Variants in COBLL1 observed in about 807,000 individuals in gnomAD.
COBLL1 encodes the protein cordon-bleu WH2 repeat protein like 1.
COBLL1 carries 50 observed loss-of-function variants against 94.8 expected under a neutral mutation model. That is an observed-to-expected ratio of 0.53 (90% CI 0.42 to 0.67). COBLL1 has a LOEUF of 0.67. Among genes scored for constraint, COBLL1 ranks in the 30% least tolerant of loss-of-function variants. The pLI is 0.00. For synonymous variants in COBLL1, 448 were observed against 473.8 expected, an observed-to-expected ratio of 0.95 and a Z score of 0.71; for missense variants, 1,362 against 1,348.7, an observed-to-expected ratio of 1.01 and a Z score of -0.15.
Position 164,722,080 on chromosome 2 carries a change from C to A in COBLL1, c.991G>T (p.Asp331Tyr), listed in dbSNP as rs779694761. The change falls in exon 7 of 14, where the codon GAT becomes TAT. Residue 331 changes from aspartate (D) to tyrosine (Y), a missense_variant. By Grantham distance (160) the Asp-to-Tyr change is radical. Coordinates refer to ENST00000652658, the MANE Select transcript of COBLL1 (RefSeq NM_001365672.2). ...IVKSMSVDET[D>Y]KSPCEAGRVR... ...TAGAAAACAAAACTACACACCTTAT[C>A]TGTCTCATCCACGCTCATGGATTTC... 1 of 1,587,310 alleles carries A rather than the reference C, an allele frequency of 6.3e-7. No homozygotes were observed. The highest frequency in any genetic ancestry group is 1.8e-5 in the Admixed American group (1 of 55,178).
At chr2:164,727,180 CTG>C in intron 5 of COBLL1, 1 of 1,247,424 alleles carries the variant, frequency 8.0e-7, no homozygotes, top group Non-Finnish European at 1.1e-6. Context: ...GGTAAATTGA[CTG>C]TGAAGATGAT....
chr2:164,833,123 CTGAGGCGAG>C (rs1429088684), intron 2 of COBLL1, among the ~76,000 whole-genome samples: 1 of 152,038 alleles, frequency 6.6e-6, no homozygotes, highest in Non-Finnish European at 1.5e-5. Context: ...CTTTAGGAGG[CTGAGGCGAG>C]TGAGGCGAGA....
Position 164,841,457 on chromosome 2 carries a change from G to C in COBLL1, c.-50-211C>G. ...TAGCGGGCGCCCAGAGCACGGCGGA[G>C]GAGGCGGTGGCGCTGCAGCCCCCGC... On this transcript the variant is annotated intron_variant, in intron 1 of 13. Coordinates refer to ENST00000652658, the MANE Select transcript of COBLL1 (RefSeq NM_001365672.2). The surrounding 1 kb of genome is among the most constrained non-coding windows in gnomAD (Gnocchi z 5.5). The C allele has an allele frequency of 5.2e-6, 6 of 1,146,446 alleles. No individual in the cohort carries two copies. Among genetic ancestry groups the C allele is most frequent in the Non-Finnish European group, 6.4e-6 (6 of 934,090 alleles). The allele number at this position is 1,146,446 out of a possible 1,614,324, so 71.0% of individuals were successfully genotyped here.
Position 164,746,981 on chromosome 2 carries a change from C to T in COBLL1, c.42-3106G>A, listed in dbSNP as rs564145926. ...TAATTCCATGAGAGTAGGGACTTGT[C>T]TCTACCACCTTGTCCACACATTTGC... On this transcript the variant is annotated intron_variant, in intron 2 of 13. Transcript: ENST00000652658. Among the ~76,000 whole-genome samples the T allele has an allele frequency of 2.2e-4, 33 of 152,236 alleles. 1 individual carries two copies. Among genetic ancestry groups the T allele is most frequent in the African/African-American group, 7.9e-4 (33 of 41,554 alleles).
intron 7 of COBLL1, among the ~76,000 whole-genome samples, chr2:164,706,944 G>A (rs1020739530): frequency 1.3e-5 from 2 of 152,002 alleles, no homozygotes; most frequent in Non-Finnish European, 2.9e-5. Context: ...TTAACAACCC[G>A]GTGTCTAGCT....
intron 7 of COBLL1, among the ~76,000 whole-genome samples, chr2:164,719,279 C>T (rs1178254180): frequency 6.6e-6 from 1 of 152,072 alleles, no homozygotes; most frequent in Non-Finnish European, 1.5e-5. Flanking sequence ...AATACGTCTT[C>T]CAGGTAGTCA....
At chr2:164,749,547 C>T (rs1473278176) in intron 2 of COBLL1, among the ~76,000 whole-genome samples, 1 of 152,126 alleles carries the variant, frequency 6.6e-6, no homozygotes, top group African/African-American at 2.4e-5. Flanking sequence ...AGACCAATTT[C>T]TCAACACGAT....
chr2:164,677,838 A>G (rs181128953), downstream of COBLL1, among the ~76,000 whole-genome samples: 76 of 152,330 alleles, frequency 5.0e-4, no homozygotes, highest in African/African-American at 1.8e-3. Flanking sequence ...TAGATATTAT[A>G]GAATTCCCTC....
intron 2 of COBLL1, among the ~76,000 whole-genome samples, chr2:164,830,089 T>C (rs1484748500): frequency 2.6e-5 from 4 of 152,224 alleles, no homozygotes; most frequent in African/African-American, 4.8e-5. Flanking sequence ...TCAGTATAAG[T>C]AGTAGTAAAA....
At chr2:164,814,609 A>T (rs1684626078) in intron 2 of COBLL1, among the ~76,000 whole-genome samples, 1 of 151,472 alleles carries the variant, frequency 6.6e-6, no homozygotes, top group Non-Finnish European at 1.5e-5. Flanking sequence ...CTTTTTTCCC[A>T]CAATAATTCA....
intron 2 of COBLL1, among the ~76,000 whole-genome samples, chr2:164,815,757 C>T (rs1195021940): frequency 6.6e-6 from 1 of 152,062 alleles, no homozygotes. Context: ...TGTTCCTCCC[C>T]AAACCATATT....
At chr2:164,796,916 T>C (rs1373106349) in intron 2 of COBLL1, among the ~76,000 whole-genome samples, 1 of 152,058 alleles carries the variant, frequency 6.6e-6, no homozygotes, top group Non-Finnish European at 1.5e-5. Flanking sequence ...TCAAGGTTAC[T>C]GTGAGCTATA....
chr2:164,769,041 T>C (rs1025057812), intron 2 of COBLL1, among the ~76,000 whole-genome samples: 1 of 152,326 alleles, frequency 6.6e-6, no homozygotes, highest in Admixed American at 6.5e-5. Context: ...TTTAATGCTG[T>C]GTCTTGAAGC....
intron 3 of COBLL1, among the ~76,000 whole-genome samples, chr2:164,740,929 A>C (rs547216486): frequency 1.3e-5 from 2 of 152,242 alleles, no homozygotes; most frequent in Non-Finnish European, 2.9e-5. Context: ...AAAGAAATAG[A>C]GTATTTGTAG....
At chr2:164,834,387 C>G (rs1683226620) in intron 2 of COBLL1, among the ~76,000 whole-genome samples, 1 of 152,078 alleles carries the variant, frequency 6.6e-6, no homozygotes, top group Admixed American at 6.6e-5. Flanking sequence ...TGTTAAAAGT[C>G]TAAAATGTGT....
intron 2 of COBLL1, among the ~76,000 whole-genome samples, chr2:164,821,503 T>C (rs956498893): frequency 6.6e-6 from 1 of 152,146 alleles, no homozygotes; most frequent in African/African-American, 2.4e-5. Context: ...TAGTGAGTGT[T>C]CCCAGTCTGT....
At chr2:164,762,942 T>G (rs1687756342) in intron 2 of COBLL1, among the ~76,000 whole-genome samples, 2 of 152,122 alleles carry the variant, frequency 1.3e-5, no homozygotes, top group Admixed American at 1.3e-4. Context: ...GTGCTCCGCC[T>G]GCCTCGGCCT....
intron 2 of COBLL1, among the ~76,000 whole-genome samples, chr2:164,804,388 A>G (rs1312137700): frequency 6.6e-6 from 1 of 152,210 alleles, no homozygotes; most frequent in Non-Finnish European, 1.5e-5. Context: ...AATGAAAATG[A>G]AAATAATAAA....
At chr2:164,828,919 A>G (rs184987613) in intron 2 of COBLL1, among the ~76,000 whole-genome samples, 27 of 152,328 alleles carry the variant, frequency 1.8e-4, no homozygotes, top group Admixed American at 4.6e-4. Context: ...CTAGTTTAGA[A>G]TGCTACCAGG....
Sources: gnomAD v4.1 joint callset for allele counts (sites outside exome capture counted in the v4.1 genomes callset) on GRCh38, gnomAD v4.1.1 for gene constraint, Gnocchi (gnomAD v3.1) non-coding constraint, MANE v1.5 for transcripts, NCBI Gene and HGNC (gene_info 2026-07-23, HGNC 2026-07-21) for gene names.